Variants in GSR observed in about 807,000 individuals in gnomAD.
GSR encodes glutathione-disulfide reductase, also known as glutathione reductase, mitochondrial.
GSR carries 48 observed loss-of-function variants against 56.5 expected under a neutral mutation model. The observed-to-expected ratio is 0.85, with a 90% CI of 0.67 to 1.08. GSR has a LOEUF of 1.08. GSR is among the 50% of genes least tolerant of loss of function. The pLI, the probability that GSR is intolerant of heterozygous loss-of-function variation, is 0.00. For missense variants in GSR, 694 were observed against 703.3 expected (o/e 0.99, Z 0.15); for synonymous variants, 264 against 270.8 (o/e 0.97, Z 0.25).
intron 5 of GSR, 38 bp from the exon 6 acceptor site, chr8:30,700,173 C>A: frequency 7.1e-7 from 1 of 1,401,582 alleles, no homozygotes; most frequent in Non-Finnish European, 1.0e-6. Flanking sequence ...CACAAGACTG[C>A]TCTTTCTCTT....
intron 6 of GSR, among the ~76,000 whole-genome samples, chr8:30,699,480 C>A (rs1803655796): frequency 6.6e-6 from 1 of 151,750 alleles, no homozygotes; most frequent in South Asian, 2.1e-4. Flanking sequence ...TGGTGGCACT[C>A]TCTCTCTCTT....
At chr8:30,703,404 A>G (rs1803815329) in intron 4 of GSR, among the ~76,000 whole-genome samples, 164 bp from the exon 5 acceptor site, 1 of 152,146 alleles carries the variant, frequency 6.6e-6, no homozygotes, top group African/African-American at 2.4e-5. Context: ...TCTAACTGGC[A>G]ACCTATACTT....
chr8:30,681,322 G>C (rs1178423851), intron 11 of GSR, among the ~76,000 whole-genome samples: 2 of 152,158 alleles, frequency 1.3e-5, no homozygotes, highest in Non-Finnish European at 2.9e-5. Flanking sequence ...TTGAGCCCAG[G>C]AGATTGAGAC....
intron 8 of GSR, among the ~76,000 whole-genome samples, chr8:30,692,396 A>G (rs1311650624): frequency 2.0e-5 from 3 of 149,152 alleles, no homozygotes; most frequent in South Asian, 2.1e-4. Flanking sequence ...GAGTTTCTCC[A>G]TGTTGGTCAG....
intron 7 of GSR, among the ~76,000 whole-genome samples, chr8:30,695,357 T>A (rs1213880437): frequency 6.6e-6 from 1 of 152,120 alleles, no homozygotes; most frequent in Non-Finnish European, 1.5e-5. Context: ...TGCCTCAGCC[T>A]CCCGTGTAGC....
Position 30,679,011 on chromosome 8 carries a change from T to C in GSR, c.*509A>G, listed in dbSNP as rs8191041. 1.5e-3 allele frequency: 244 copies of C among 157,434 alleles called. No homozygotes were observed. Among genetic ancestry groups the C allele is most frequent in the African/African-American group, 5.4e-3 (223 of 41,516 alleles). 9.8% of individuals were successfully genotyped at this position (157,434 alleles called of 1,614,324 possible). A position where few individuals can be genotyped will look rare whatever the true frequency, so the allele number is the denominator to read the frequency against. ...CTAAAAATACAAAATTAGTCAGGCA[T>C]GGTGGTGCGTGCCTGTAATTCCAGC... On this transcript the variant is annotated 3_prime_UTR_variant, in exon 13 of 13. Transcript: ENST00000221130.
intron 1 of GSR, among the ~76,000 whole-genome samples, chr8:30,721,524 G>A (rs1033544846): frequency 6.6e-6 from 1 of 152,006 alleles, no homozygotes; most frequent in Admixed American, 6.6e-5. Context: ...GTGGTGGCGG[G>A]CACCTGTAAT....
intron 7 of GSR, among the ~76,000 whole-genome samples, chr8:30,695,064 TA>T (rs879638524): frequency 2.2e-3 from 316 of 144,552 alleles, no homozygotes; most frequent in Middle Eastern, 3.5e-3. Flanking sequence ...CTCTGTCTCT[TA>T]AAAAAAAAAA....
chr8:30,706,306 C>T (rs1803917276), intron 4 of GSR, among the ~76,000 whole-genome samples: 1 of 151,860 alleles, frequency 6.6e-6, no homozygotes, highest in East Asian at 1.9e-4. Context: ...TCAAGACCAG[C>T]CTGGCCAACA....
chr8:30,690,282 C>T (rs914083997), intron 8 of GSR, among the ~76,000 whole-genome samples: 1 of 151,566 alleles, frequency 6.6e-6, no homozygotes, highest in Non-Finnish European at 1.5e-5. Flanking sequence ...ACTTCAGCCT[C>T]CTGGGTAGCT....
chr8:30,687,470 A>G (rs916088533), intron 9 of GSR: 3 of 152,068 alleles, frequency 2.0e-5, no homozygotes, highest in Non-Finnish European at 4.4e-5. Context: ...ACATGGTGAA[A>G]TCCTGTCTCT....
intron 1 of GSR, among the ~76,000 whole-genome samples, chr8:30,720,497 CTCTGTT>C (rs1206632561): frequency 1.8e-4 from 27 of 152,178 alleles, no homozygotes; most frequent in Non-Finnish European, 3.8e-4. Context: ...AGATCCCTGT[CTCTGTT>C]GCATTTCATC....
At chr8:30,700,040 A>G in intron 6 of GSR, 41 bp downstream of exon 6, 3 of 1,468,806 alleles carry the variant, frequency 2.0e-6, no homozygotes, top group Non-Finnish European at 2.9e-6. Context: ...AGGAGACAGT[A>G]AGGAAGAATG....
chr8:30,692,936 G>A, intron 8 of GSR, 33 bp downstream of exon 8: 5 of 1,339,410 alleles, frequency 3.7e-6, no homozygotes, highest in Non-Finnish European at 5.4e-6. Flanking sequence ...GATTGACTGG[G>A]GGCCGCGTGC....
chr8:30,688,236 T>C (rs1003152226), intron 9 of GSR, among the ~76,000 whole-genome samples: 1 of 152,084 alleles, frequency 6.6e-6, no homozygotes, highest in African/African-American at 2.4e-5. Context: ...GACATTCACA[T>C]AGCAAAAACG....
In GSR at chr8:30,703,356, C is replaced by A. The variant is rs184830015; in HGVS notation, c.493-116G>T. ...CATTTTGATTCTTGGTTTGCTGATGCCAACACAATTCTCCGTTTTTCAAGT... is the reference window on the plus strand; with the variant it reads ...CATTTTGATTCTTGGTTTGCTGATGACAACACAATTCTCCGTTTTTCAAGT... On this transcript the variant is annotated intron_variant, in intron 4 of 12. Transcript: ENST00000221130. 5.1e-5 allele frequency: 50 copies of A among 989,934 alleles called. No individual in the cohort carries two copies. In the East Asian group the frequency reaches 1.1e-3, roughly 23 times the overall value. The allele number at this position is 989,934 out of a possible 1,614,324, so 61.3% of individuals were successfully genotyped here.
At chr8:30,685,726 A>G (rs1803138189) in intron 9 of GSR, among the ~76,000 whole-genome samples, 1 of 152,100 alleles carries the variant, frequency 6.6e-6, no homozygotes, top group African/African-American at 2.4e-5. Flanking sequence ...TGTAAATCCT[A>G]GCACTTCGGG....
Position 30,680,951 on chromosome 8 carries a change from T to C in GSR, c.1372A>G (p.Lys458Glu). 6.2e-7 allele frequency: 1 copy of C among 1,613,720 alleles called. No individual in the cohort carries two copies. ...TPMYHAVTKR[K>E]TKCVMKMVCA... ...ACCATTTTCATCACACATTTTGTTT[T>C]CCTTTTGGTAACTGCGTGATACATC... The change falls in exon 12 of 13, where the codon AAA (lysine) becomes GAA (glutamate). Residue 458 changes from lysine (K) to glutamate (E), a missense_variant. Coordinates refer to ENST00000221130, the MANE Select transcript of GSR (RefSeq NM_000637.5).
chr8:30,710,028 A>G, intron 2 of GSR, 126 bp from the exon 3 acceptor site: 1 of 680,184 alleles, frequency 1.5e-6, no homozygotes, highest in Non-Finnish European at 2.6e-6. Context: ...AATTAAAAAC[A>G]AACCTAGCTG....
Sources: gnomAD v4.1 joint callset for allele counts (sites outside exome capture counted in the v4.1 genomes callset) on GRCh38, gnomAD v4.1.1 for gene constraint, MANE v1.5 for transcripts, NCBI Gene and HGNC (gene_info 2026-07-23, HGNC 2026-07-21) for gene names.